MCTP2: variants seen among roughly 807,000 people sequenced by gnomAD.
The protein encoded by MCTP2 is multiple C2 and transmembrane domain-containing protein 2.
Under a neutral mutation model 111.6 loss-of-function variants are expected in MCTP2, and 132 were observed. That is an observed-to-expected ratio of 1.18 (90% confidence interval 1.03 to 1.37). The LOEUF is 1.37. Ranked by LOEUF, MCTP2 falls within the 40% of genes most tolerant of loss-of-function variation. MCTP2 has a pLI of 0.00. For missense variants in MCTP2, 1,183 were observed against 1,067.9 expected (o/e 1.11, Z -1.50); for synonymous variants, 395 against 387.7 (o/e 1.02, Z -0.22).
At chr15:94,447,202 T>C (rs2084167836) in intron 19 of MCTP2, among the ~76,000 whole-genome samples, 1 of 152,204 alleles carries the variant, frequency 6.6e-6, no homozygotes, top group Non-Finnish European at 1.5e-5. Context: ...AATTAACCTG[T>C]AGAGTGCTTT....
intron 1 of MCTP2, among the ~76,000 whole-genome samples, chr15:94,249,421 C>T (rs2072244372): frequency 6.6e-6 from 1 of 152,070 alleles, no homozygotes; most frequent in African/African-American, 2.4e-5. Context: ...AGCCATTGCT[C>T]CCCTTTCCAA....
chr15:94,400,810 T>C (rs1304468541), intron 16 of MCTP2, among the ~76,000 whole-genome samples: 2 of 152,084 alleles, frequency 1.3e-5, no homozygotes, highest in African/African-American at 2.4e-5. Context: ...CAGTTAAATA[T>C]AAAGACGTCT....
chr15:94,459,199 T>C (rs1221514784), intron 20 of MCTP2, among the ~76,000 whole-genome samples: 2 of 152,230 alleles, frequency 1.3e-5, no homozygotes, highest in East Asian at 1.9e-4. Flanking sequence ...TCTTACTTTA[T>C]TGGTCGTGTC....
intron 12 of MCTP2, among the ~76,000 whole-genome samples, chr15:94,379,545 C>T (rs2079981330): frequency 6.6e-6 from 1 of 151,742 alleles, no homozygotes; most frequent in Non-Finnish European, 1.5e-5. Flanking sequence ...ATTGTATTGA[C>T]AGTCTAGGGT....
At chr15:94,352,685 T>C (rs2078370344) in intron 8 of MCTP2, among the ~76,000 whole-genome samples, 1 of 152,192 alleles carries the variant, frequency 6.6e-6, no homozygotes, top group Admixed American at 6.5e-5. Flanking sequence ...ATGACAAATT[T>C]CACGTATAGG....
At chr15:94,243,701 A>G (rs1237057976) in intron 1 of MCTP2, among the ~76,000 whole-genome samples, 2 of 135,374 alleles carry the variant, frequency 1.5e-5, no homozygotes, top group South Asian at 4.7e-4. Flanking sequence ...ACATATGCGT[A>G]TATACACATA....
intron 1 of MCTP2, among the ~76,000 whole-genome samples, chr15:94,276,228 G>A (rs944092389): frequency 6.6e-6 from 1 of 151,864 alleles, no homozygotes; most frequent in African/African-American, 2.4e-5. Flanking sequence ...AAAATAATAG[G>A]GACATATTCA....
At chr15:94,466,688 CCCAATATTTGGCAGAAAA>C (rs1386156670) in intron 20 of MCTP2, among the ~76,000 whole-genome samples, 3 of 152,234 alleles carry the variant, frequency 2.0e-5, no homozygotes, top group Admixed American at 1.3e-4. Flanking sequence ...AGCTCAGAAT[CCCAATATTTGGCAGAAAA>C]TATTAGAGTG....
At chr15:94,363,452 G>A (rs117911407) in intron 10 of MCTP2, among the ~76,000 whole-genome samples, 5,607 of 152,158 alleles carry the variant, frequency 0.037, 181 homozygotes, top group Non-Finnish European at 0.058. Flanking sequence ...TAATTAACAA[G>A]CAGACAGGAA....
intron 19 of MCTP2, among the ~76,000 whole-genome samples, chr15:94,449,243 ATATT>A (rs1464319371): frequency 1.3e-5 from 2 of 152,224 alleles, no homozygotes; most frequent in Non-Finnish European, 2.9e-5. Flanking sequence ...ATTTATGAAA[ATATT>A]AATATTTTAA....
intron 17 of MCTP2, among the ~76,000 whole-genome samples, chr15:94,409,444 T>C (rs2082053863): frequency 6.6e-6 from 1 of 152,092 alleles, no homozygotes; most frequent in South Asian, 2.1e-4. Flanking sequence ...ATGATAATAC[T>C]CAAATATGAA....
intron 7 of MCTP2, among the ~76,000 whole-genome samples, chr15:94,344,815 TAG>T (rs1012323039): frequency 6.6e-6 from 1 of 152,202 alleles, no homozygotes; most frequent in African/African-American, 2.4e-5. Context: ...TCTGCTTTTT[TAG>T]AGAGAATAAT....
intron 16 of MCTP2, among the ~76,000 whole-genome samples, 172 bp from the exon 17 acceptor site, chr15:94,401,728 A>G (rs2081600110): frequency 6.6e-6 from 1 of 152,214 alleles, no homozygotes; most frequent in Non-Finnish European, 1.5e-5. Context: ...TCTATGGATG[A>G]TCATATTTTA....
chr15:94,339,921 G>A (rs1178371976), intron 5 of MCTP2, among the ~76,000 whole-genome samples: 1 of 152,212 alleles, frequency 6.6e-6, no homozygotes, highest in Non-Finnish European at 1.5e-5. Flanking sequence ...AAACTACAGA[G>A]AATGGTCCAT....
chr15:94,416,422 A>C (rs2082382785), intron 17 of MCTP2, among the ~76,000 whole-genome samples: 1 of 152,066 alleles, frequency 6.6e-6, no homozygotes, highest in South Asian at 2.1e-4. Context: ...GAGGGGGAAA[A>C]CACATTTGAA....
intron 20 of MCTP2, among the ~76,000 whole-genome samples, chr15:94,468,526 C>G (rs991057559): frequency 1.6e-4 from 24 of 151,630 alleles, no homozygotes; most frequent in Non-Finnish European, 2.9e-4. Flanking sequence ...TTAAAATGAC[C>G]AATAGGCATA....
At position 94,447,684 on chromosome 15, in the gene MCTP2, G is replaced by A. The variant is rs183897521; in HGVS notation, c.2250+4724G>A. Reference sequence around the variant, plus strand: ...GAGCCACCATGACCGGCCTGTTTGCGCTTTCTTAAGAATGTCTAAAACAGT... The same window carrying A: ...GAGCCACCATGACCGGCCTGTTTGCACTTTCTTAAGAATGTCTAAAACAGT... On this transcript the variant is annotated intron_variant, in intron 19 of 22. Coordinates refer to ENST00000357742, the MANE Select transcript of MCTP2 (RefSeq NM_001385001.1). 4.8e-4 allele frequency among the ~76,000 whole-genome samples: 73 copies of A among 152,230 alleles called. No individual in the cohort carries two copies. In the East Asian group the frequency reaches 0.011, roughly 23 times the overall value.
intron 19 of MCTP2, among the ~76,000 whole-genome samples, chr15:94,443,265 G>T (rs1230094437): frequency 3.3e-5 from 5 of 152,120 alleles, no homozygotes; most frequent in Non-Finnish European, 7.4e-5. Flanking sequence ...GGTAGCCTGG[G>T]AAGTCAAAAG....
At chr15:94,403,423 G>A (rs2081712150) in intron 17 of MCTP2, among the ~76,000 whole-genome samples, 1 of 152,128 alleles carries the variant, frequency 6.6e-6, no homozygotes, top group South Asian at 2.1e-4. Flanking sequence ...GCAATTCTGG[G>A]CAAAAGAGGA....
Sources: allele counts gnomAD v4.1 joint callset (sites outside exome capture counted in the v4.1 genomes callset), GRCh38; gene constraint gnomAD v4.1.1; transcripts MANE v1.5; gene names NCBI Gene and HGNC (gene_info 2026-07-23, HGNC 2026-07-21).